POU2F1: variants seen among roughly 807,000 people sequenced by gnomAD.
The protein encoded by POU2F1 is POU domain, class 2, transcription factor 1.
POU2F1 carries 16 observed loss-of-function variants against 84.9 expected under a neutral mutation model. The ratio of observed to expected loss-of-function variants is 0.19; its 90% CI spans 0.13 to 0.29. POU2F1 has a LOEUF of 0.29. POU2F1 is among the 10% of genes least tolerant of loss of function. The probability of loss-of-function intolerance (pLI) is 1.00; values close to 1 mark genes in which losing one functional copy is unlikely to be tolerated. For synonymous variants in POU2F1, 368 were observed against 368.3 expected, an observed-to-expected ratio of 1.00 and a Z score of 0.01; for missense variants, 738 against 942.6, an observed-to-expected ratio of 0.78 and a Z score of 2.84.
chr1:167,405,376 G>A (rs910843455), intron 13 of POU2F1, among the ~76,000 whole-genome samples: 8 of 150,976 alleles, frequency 5.3e-5, no homozygotes, highest in East Asian at 1.9e-4. Context: ...TTTGAGCCAC[G>A]TTAAAAAAAA....
At chr1:167,317,765 A>G (rs1656018616) in intron 1 of POU2F1, among the ~76,000 whole-genome samples, 1 of 152,216 alleles carries the variant, frequency 6.6e-6, no homozygotes, top group South Asian at 2.1e-4. Context: ...CATCACAAGC[A>G]TGTCACAGTG....
chr1:167,257,081 TA>T (rs1472617985), intron 1 of POU2F1, among the ~76,000 whole-genome samples: 1 of 152,182 alleles, frequency 6.6e-6, no homozygotes, highest in East Asian at 1.9e-4. Context: ...ATAAGATTGT[TA>T]TTAAGTTGGG....
chr1:167,309,310 G>T (rs1206282390), intron 1 of POU2F1, among the ~76,000 whole-genome samples: 2 of 152,068 alleles, frequency 1.3e-5, no homozygotes, highest in Non-Finnish European at 2.9e-5. Context: ...TATATATTTT[G>T]AAAACCATTG....
rs766826910 is a variant in POU2F1 at position 167,374,236 on chromosome 1, C to T, written c.531C>T (p.Ser177=). The T allele has an allele frequency of 1.9e-5, 30 of 1,613,890 alleles. No homozygotes were observed. The highest frequency in any genetic ancestry group is 2.2e-5 in the East Asian group (1 of 44,872). ...QQHSAAGATI[S]ASAATPMTQI... ...ACAGTGCTGCTGGAGCCACCATCTCCGCCTCTGCTGCCACGCCCATGACGC... is the reference window on the plus strand; with the variant it reads ...ACAGTGCTGCTGGAGCCACCATCTCTGCCTCTGCTGCCACGCCCATGACGC... The change falls in exon 6 of 16, where the codon TCC becomes TCT. Residue 177 remains serine, a synonymous_variant. Transcript: ENST00000367866.
chr1:167,351,037 CA>C (rs916576017), intron 2 of POU2F1, among the ~76,000 whole-genome samples: 16 of 151,702 alleles, frequency 1.1e-4, no homozygotes, highest in African/African-American at 3.9e-4. Flanking sequence ...TTTCTGGGCT[CA>C]AAAGGTTGAT....
intron 1 of POU2F1, among the ~76,000 whole-genome samples, chr1:167,279,081 CT>C (rs1251321098): frequency 6.6e-6 from 1 of 152,154 alleles, no homozygotes. Context: ...CTATTCCCCC[CT>C]GATTATAATG....
chr1:167,280,475 G>T (rs973166366), intron 1 of POU2F1, among the ~76,000 whole-genome samples: 2 of 151,826 alleles, frequency 1.3e-5, no homozygotes, highest in African/African-American at 4.8e-5. Context: ...CAATAAAACA[G>T]TTTCTATAGT....
At chr1:167,329,176 C>G (rs1656909121) in intron 1 of POU2F1, 1 of 1,496,478 alleles carries the variant, frequency 6.7e-7, no homozygotes, top group Non-Finnish European at 9.0e-7. Context: ...TAAGAACATA[C>G]TGTAGATTTG....
At chr1:167,366,986 A>C (rs1659718367) in intron 3 of POU2F1, among the ~76,000 whole-genome samples, 1 of 152,196 alleles carries the variant, frequency 6.6e-6, no homozygotes, top group Non-Finnish European at 1.5e-5. Flanking sequence ...ATCCTTCTGG[A>C]TCCAAATTCC....
chr1:167,410,741 C>G (rs1030815884), intron 13 of POU2F1, among the ~76,000 whole-genome samples: 1 of 151,996 alleles, frequency 6.6e-6, no homozygotes, highest in African/African-American at 2.4e-5. Flanking sequence ...GTTTCGAGCT[C>G]CTGACCTCAA....
intron 13 of POU2F1, among the ~76,000 whole-genome samples, chr1:167,405,709 G>A (rs1367157019): frequency 6.6e-6 from 1 of 152,054 alleles, no homozygotes; most frequent in African/African-American, 2.4e-5. Context: ...AAAAAGCCGT[G>A]AAGGATATAC....
At chr1:167,355,628 T>A (rs35651936) in intron 2 of POU2F1, among the ~76,000 whole-genome samples, 2,226 of 152,340 alleles carry the variant, frequency 0.015, 22 homozygotes, top group South Asian at 0.026. Flanking sequence ...TTTTACAATA[T>A]TGAGCTGGCA....
At chr1:167,363,907 T>TG (rs1473581562) in intron 2 of POU2F1, among the ~76,000 whole-genome samples, 1 of 152,236 alleles carries the variant, frequency 6.6e-6, no homozygotes, top group African/African-American at 2.4e-5. Flanking sequence ...TAGCACTGTC[T>TG]TACAAACACT....
intron 1 of POU2F1, among the ~76,000 whole-genome samples, chr1:167,269,697 G>A (rs1274604816): frequency 6.6e-6 from 1 of 152,224 alleles, no homozygotes; most frequent in Non-Finnish European, 1.5e-5. Flanking sequence ...CAGATCACCT[G>A]AGATTAGGAG....
Position 167,221,022 on chromosome 1 carries a change from C to G in POU2F1, c.61+64C>G, listed in dbSNP as rs1350807773. The stretch of plus-strand genomic sequence containing the variant: ...CAACCCCGGCTCCCGCTGCCCCCCC[C>G]CGCGACTTAGCATAATTTATTAGTA... On this transcript the variant is annotated intron_variant, in intron 1 of 15. Transcript: ENST00000367866. 22 of 1,370,680 alleles carry G rather than the reference C, an allele frequency of 1.6e-5. No homozygotes were observed. In the South Asian group the frequency reaches 2.5e-4, roughly 15 times the overall value. The allele number at this position is 1,370,680 out of a possible 1,614,324, so 84.9% of individuals were successfully genotyped here.
chr1:167,305,923 A>G (rs1292228203), intron 1 of POU2F1, among the ~76,000 whole-genome samples: 1 of 152,210 alleles, frequency 6.6e-6, no homozygotes, highest in Non-Finnish European at 1.5e-5. Flanking sequence ...TCTGCTGGGC[A>G]TATGGTAGAC....
At chr1:167,403,534 T>G (rs1649350630) in intron 13 of POU2F1, among the ~76,000 whole-genome samples, 1 of 152,244 alleles carries the variant, frequency 6.6e-6, no homozygotes, top group Admixed American at 6.5e-5. Context: ...CTCTTTGGAC[T>G]GTAACTTTCT....
intron 1 of POU2F1, among the ~76,000 whole-genome samples, chr1:167,238,206 AT>A (rs1219855800): frequency 1.3e-5 from 2 of 152,076 alleles, no homozygotes; most frequent in East Asian, 3.9e-4. Flanking sequence ...TATTTGTTTC[AT>A]TTTGTCTCTC....
intron 9 of POU2F1, among the ~76,000 whole-genome samples, chr1:167,396,082 G>T (rs1648787285): frequency 1.3e-5 from 2 of 152,184 alleles, no homozygotes; most frequent in African/African-American, 4.8e-5. Context: ...ATTGAACATT[G>T]TAACGATCAG....
Sources: allele counts gnomAD v4.1 joint callset (sites outside exome capture counted in the v4.1 genomes callset), GRCh38; gene constraint gnomAD v4.1.1; transcripts MANE v1.5; gene names NCBI Gene and HGNC (gene_info 2026-07-23, HGNC 2026-07-21).